The following ENOX2 variants were observed in gnomAD, a reference collection of about 807,000 sequenced individuals.
ENOX2 encodes the protein APK1 antigen.
A neutral mutation model predicts 45.0 loss-of-function variants in ENOX2; 36 were observed. The observed-to-expected ratio is 0.80, with a 90% CI of 0.61 to 1.06. The LOEUF (loss-of-function observed/expected upper bound fraction) is 1.06, where lower values mean the gene tolerates loss of function less well. Among genes scored for constraint, ENOX2 ranks in the 50% least tolerant of loss-of-function variants. The pLI, the probability that ENOX2 is intolerant of heterozygous loss-of-function variation, is 0.00. For missense variants in ENOX2, 423 were observed against 462.5 expected (o/e 0.91, Z 0.78); for synonymous variants, 174 against 152.3 (o/e 1.14, Z -1.05).
intron 2 of ENOX2, among the ~76,000 whole-genome samples, chrX:130,804,550 T>A (rs1310605240): frequency 2.7e-5 from 3 of 111,875 alleles, no homozygotes; most frequent in Non-Finnish European, 5.7e-5. Context: ...AGCTGTTCCA[T>A]CACATTCACC....
chrX:130,820,686 C>A (rs1056310097), intron 2 of ENOX2, among the ~76,000 whole-genome samples: 1 of 112,423 alleles, frequency 8.9e-6, no homozygotes, highest in East Asian at 2.8e-4. Context: ...GAGAACATTA[C>A]GTTAAGTGAA....
intron 5 of ENOX2, among the ~76,000 whole-genome samples, chrX:130,686,157 G>T (rs1317190023): frequency 1.8e-5 from 2 of 110,829 alleles, no homozygotes; most frequent in African/African-American, 3.3e-5. Flanking sequence ...ATATGGTTCG[G>T]CCCTGTGTTC....
intron 11 of ENOX2, among the ~76,000 whole-genome samples, chrX:130,635,809 C>A (rs991400459): frequency 8.9e-6 from 1 of 111,753 alleles, no homozygotes; most frequent in African/African-American, 3.3e-5. Context: ...TACTATACGT[C>A]TTTTGAGATA....
chrX:130,672,956 C>A (rs755178901), intron 6 of ENOX2, among the ~76,000 whole-genome samples: 1 of 111,826 alleles, frequency 8.9e-6, no homozygotes, highest in Middle Eastern at 4.2e-3. Flanking sequence ...GAATAGGGAA[C>A]CTGGAATTTC....
chrX:130,740,815 T>C (rs1569495543), intron 3 of ENOX2, among the ~76,000 whole-genome samples: 2 of 112,041 alleles, frequency 1.8e-5, no homozygotes, highest in African/African-American at 3.2e-5. Flanking sequence ...AAGGAAGACA[T>C]AACAATGGTT....
chrX:130,870,750 A>G (rs977447076), intron 2 of ENOX2, among the ~76,000 whole-genome samples: 10 of 111,657 alleles, frequency 9.0e-5, no homozygotes, highest in Non-Finnish European at 1.5e-4. Context: ...AAGCCACTCT[A>G]TCTTTCTAGA....
rs764086422 is a variant in ENOX2 at position 130,886,124 on chromosome X, T to C, written c.-183+15560A>G. On this transcript the variant is annotated intron_variant, in intron 2 of 14. Coordinates refer to ENST00000394363, the MANE Select transcript of ENOX2 (RefSeq NM_006375.4). ...TGCAGACAATTCAATTCAGCAGCTG[T>C]TGGTCCAGGCACTAAGGTTCACTGT... Among the ~76,000 whole-genome samples, 18 of 112,507 alleles carry C rather than the reference T, an allele frequency of 1.6e-4. No homozygotes were observed. The South Asian group carries it at 6.2e-3, about 39-fold the overall frequency.
At chrX:130,848,158 A>T (rs2078145235) in intron 2 of ENOX2, among the ~76,000 whole-genome samples, 1 of 112,210 alleles carries the variant, frequency 8.9e-6, no homozygotes, top group Admixed American at 9.4e-5. Flanking sequence ...ATATGATTAC[A>T]TATAGTTAGA....
In ENOX2 at chrX:130,668,998, T is replaced by G. The variant is rs758958584; in HGVS notation, c.694+967A>C. 4.5e-5 allele frequency among the ~76,000 whole-genome samples: 5 copies of G among 112,315 alleles called. No homozygotes were observed. The East Asian group carries it at 1.4e-3, about 31-fold the overall frequency. On this transcript the variant is annotated intron_variant, in intron 7 of 14. Coordinates refer to ENST00000394363, the MANE Select transcript of ENOX2 (RefSeq NM_006375.4). ...CTGTGCCTCTATTCTGGACTCTAGG[T>G]TTTCTGCTTTTCCCTTAAAGAAAGT...
At chrX:130,873,019 T>C (rs970412853) in intron 2 of ENOX2, among the ~76,000 whole-genome samples, 8 of 111,620 alleles carry the variant, frequency 7.2e-5, no homozygotes, top group African/African-American at 2.6e-4. Context: ...CCAAAAGCAA[T>C]GGCAACAAAA....
chrX:130,788,146 A>G (rs907572182), intron 2 of ENOX2, among the ~76,000 whole-genome samples: 5 of 112,361 alleles, frequency 4.4e-5, no homozygotes, highest in Non-Finnish European at 7.5e-5. Context: ...TAAGTAAACT[A>G]GTCCCATTAA....
At chrX:130,791,238 A>G (rs1435942224) in intron 2 of ENOX2, among the ~76,000 whole-genome samples, 1 of 111,647 alleles carries the variant, frequency 9.0e-6, no homozygotes, top group Non-Finnish European at 1.9e-5. Flanking sequence ...ATTCTGTCTT[A>G]GCCTACCTTC....
Position 130,688,999 on chromosome X carries a change from T to G in ENOX2, c.117A>C (p.Gly39=). Residue 39 remains glycine (G), a synonymous_variant, in exon 5 of 15, where the codon GGA becomes GGC. Coordinates refer to ENST00000394363, the MANE Select transcript of ENOX2 (RefSeq NM_006375.4). ...TTATTGGTGGAATTCCAGTCATCATTCCAAGAGCAGGATCAAAGTCTAAAA... is the reference window on the plus strand; with the variant it reads ...TTATTGGTGGAATTCCAGTCATCATGCCAAGAGCAGGATCAAAGTCTAAAA... ...PILPDFDPAL[G]MMTGIPPITP... 1 of 1,208,067 alleles carries G rather than the reference T, an allele frequency of 8.3e-7. No homozygotes were observed. The highest frequency in any genetic ancestry group is 1.1e-6 in the Non-Finnish European group (1 of 893,602).
chrX:130,694,061 T>A (rs999042651), intron 4 of ENOX2, among the ~76,000 whole-genome samples: 2 of 111,666 alleles, frequency 1.8e-5, no homozygotes, highest in Non-Finnish European at 3.8e-5. Context: ...GGTATCCCAG[T>A]TGATATCATA....
chrX:130,853,249 G>A lies in ENOX2; in HGVS notation c.-183+48435C>T, dbSNP rs558716917. Among the ~76,000 whole-genome samples, 84 of 109,106 alleles carry A rather than the reference G, an allele frequency of 7.7e-4. 2 individuals are homozygous for A. The highest frequency in any genetic ancestry group is 2.6e-3 in the African/African-American group (78 of 30,101). 94.7% of individuals were successfully genotyped at this position (109,106 alleles called of 115,157 possible). On this transcript the variant is annotated intron_variant, in intron 2 of 14. Coordinates refer to ENST00000394363, the MANE Select transcript of ENOX2 (RefSeq NM_006375.4). ...TCCCAGCACTTTGGGAGGCCGAGGC[G>A]GGCGGATCACGAGGTCAGGAGATGA...
chrX:130,891,974 C>T (rs925938618), intron 2 of ENOX2, among the ~76,000 whole-genome samples: 3 of 111,761 alleles, frequency 2.7e-5, no homozygotes, highest in Non-Finnish European at 5.6e-5. Flanking sequence ...ATACAGTTAA[C>T]CATGCTTTGT....
At chrX:130,747,882 G>C (rs2039131967) in intron 3 of ENOX2, among the ~76,000 whole-genome samples, 1 of 112,419 alleles carries the variant, frequency 8.9e-6, no homozygotes, top group African/African-American at 3.2e-5. Flanking sequence ...CATTCAACAT[G>C]TGGAGGCCTG....
intron 2 of ENOX2, among the ~76,000 whole-genome samples, chrX:130,784,260 C>T (rs759144926): frequency 1.8e-5 from 2 of 111,442 alleles, no homozygotes; most frequent in Non-Finnish European, 3.8e-5. Flanking sequence ...ACCTAGATTT[C>T]GGTAATGTTA....
chrX:130,639,847 C>T (rs1403011599), intron 10 of ENOX2, among the ~76,000 whole-genome samples: 1 of 111,497 alleles, frequency 9.0e-6, no homozygotes, highest in Non-Finnish European at 1.9e-5. Context: ...GGAAATAATC[C>T]CTGAGCTTGA....
Sources: gnomAD v4.1 joint callset for allele counts (sites outside exome capture counted in the v4.1 genomes callset) on GRCh38, gnomAD v4.1.1 for gene constraint, MANE v1.5 for transcripts, NCBI Gene and HGNC (gene_info 2026-07-23, HGNC 2026-07-21) for gene names.